Variants in ATP6AP2 observed in about 807,000 individuals in gnomAD.
ATP6AP2 encodes the protein ATPase H+ transporting accessory protein 2.
ATP6AP2 carries 1 observed loss-of-function variant against 23.4 expected under a neutral mutation model. The observed-to-expected ratio is 0.04, with a 90% CI of 0.02 to 0.20. The LOEUF is 0.20. ATP6AP2 is among the 10% of genes least tolerant of loss of function. ATP6AP2 has a pLI of 1.00. For synonymous variants in ATP6AP2, 90 were observed against 97.1 expected (o/e 0.93, Z 0.43); for missense variants, 174 against 271.3 (o/e 0.64, Z 2.52).
intron 7 of ATP6AP2, chrX:40,599,957 C>G (rs1926865179): frequency 2.4e-6 from 1 of 414,465 alleles, no homozygotes; most frequent in Admixed American, 4.2e-5. Flanking sequence ...GAAAAGTTAT[C>G]TCACACAAAG....
chrX:40,591,414 T>G, intron 3 of ATP6AP2, 49 bp downstream of exon 3: 1 of 1,147,660 alleles, frequency 8.7e-7, no homozygotes, highest in Non-Finnish European at 1.2e-6. Context: ...ACATTTTCCC[T>G]TGTCAGCTGT....
chrX:40,587,211 A>G (rs1435733299), intron 1 of ATP6AP2, among the ~76,000 whole-genome samples: 1 of 112,136 alleles, frequency 8.9e-6, no homozygotes, highest in African/African-American at 3.2e-5. Flanking sequence ...CAGAGGTTGC[A>G]GTGAGCCAAT....
chrX:40,591,746 T>C (rs1278159781), intron 3 of ATP6AP2: 3 of 211,927 alleles, frequency 1.4e-5, no homozygotes, highest in East Asian at 1.3e-4. Context: ...GTAAGGACAC[T>C]GGAGGCTGCT....
At chrX:40,602,933 T>A (rs1378908982) in intron 8 of ATP6AP2, among the ~76,000 whole-genome samples, 3 of 11,714 alleles carry the variant, frequency 2.6e-4, no homozygotes, top group Admixed American at 8.8e-4. Context: ...TTTTTTTTTT[T>A]TTTTTTTTGG....
chrX:40,590,012 A>G (rs1176773423), intron 2 of ATP6AP2: 1 of 111,292 alleles, frequency 9.0e-6, no homozygotes, highest in Non-Finnish European at 1.9e-5. Flanking sequence ...AGTGAACAGG[A>G]TTGGTTGTTT....
chrX:40,593,208 C>T (rs1926683721), intron 3 of ATP6AP2, among the ~76,000 whole-genome samples: 2 of 110,086 alleles, frequency 1.8e-5, no homozygotes, highest in Non-Finnish European at 3.8e-5. Flanking sequence ...GATTGCGCCA[C>T]TGCACTCCAG....
intron 1 of ATP6AP2, among the ~76,000 whole-genome samples, chrX:40,584,868 G>C: frequency 9.0e-6 from 1 of 111,181 alleles, no homozygotes; most frequent in South Asian, 3.8e-4. Flanking sequence ...CTCAGCCTCT[G>C]AAAGTGCTGG....
chrX:40,582,607 GT>G (rs1407549794), intron 1 of ATP6AP2, among the ~76,000 whole-genome samples: 1 of 111,816 alleles, frequency 8.9e-6, no homozygotes, highest in East Asian at 2.8e-4. Context: ...TGCCCCAAAC[GT>G]TTTCGAGTTC....
At chrX:40,583,552 G>T (rs970634327) in intron 1 of ATP6AP2, among the ~76,000 whole-genome samples, 7 of 111,865 alleles carry the variant, frequency 6.3e-5, no homozygotes, top group African/African-American at 2.3e-4. Context: ...GGGTGTTAAT[G>T]CTTTGGGTTT....
At position 40,597,062 on chromosome X, in the gene ATP6AP2, G is replaced by A. The variant is rs141012530; in HGVS notation, c.301-187G>A. On this transcript the variant is annotated intron_variant, in intron 3 of 8. Coordinates refer to ENST00000636580, the MANE Select transcript of ATP6AP2 (RefSeq NM_005765.3). ...GAGGCATGATGGGAGATACAGACTT[G>A]GCTTACCAGGGGGCTGTTTAATCTT... 740 of 428,959 alleles carry A rather than the reference G, an allele frequency of 1.7e-3. 4 individuals carry two copies. The highest frequency in any genetic ancestry group is 0.016 in the African/African-American group (658 of 40,270). 35.4% of individuals were successfully genotyped at this position (428,959 alleles called of 1,213,427 possible).
At chrX:40,592,786 G>A (rs1002895028) in intron 3 of ATP6AP2, among the ~76,000 whole-genome samples, 2 of 109,294 alleles carry the variant, frequency 1.8e-5, no homozygotes, top group African/African-American at 3.3e-5. Context: ...CTTTCCTGTG[G>A]TCGAGTATAG....
intron 1 of ATP6AP2, among the ~76,000 whole-genome samples, chrX:40,586,546 A>G (rs1174397587): frequency 9.0e-6 from 1 of 111,595 alleles, no homozygotes; most frequent in Admixed American, 9.5e-5. Context: ...TGAGTTGGGG[A>G]GTGATAGCAT....
chrX:40,587,041 G>A (rs913932124), intron 1 of ATP6AP2, among the ~76,000 whole-genome samples: 1 of 112,244 alleles, frequency 8.9e-6, no homozygotes, highest in Non-Finnish European at 1.9e-5. Context: ...AGGCTGAGGC[G>A]GGCCGATCAC....
chrX:40,588,319 A>C (rs1281656609), intron 1 of ATP6AP2, among the ~76,000 whole-genome samples: 4 of 91,792 alleles, frequency 4.4e-5, no homozygotes, highest in Non-Finnish European at 6.4e-5. Context: ...TTATGTTTCT[A>C]CTTGTGACAT....
chrX:40,586,431 A>G (rs1459152035), intron 1 of ATP6AP2, among the ~76,000 whole-genome samples: 1 of 111,298 alleles, frequency 9.0e-6, no homozygotes, highest in Non-Finnish European at 1.9e-5. Flanking sequence ...GGAGTTACAG[A>G]TAGGGGCTTA....
chrX:40,604,484 A>T (rs1927020043), intron 8 of ATP6AP2, among the ~76,000 whole-genome samples: 1 of 111,348 alleles, frequency 9.0e-6, no homozygotes, highest in African/African-American at 3.3e-5. Context: ...TGAGAACAGT[A>T]TGGGGGAAAC....
rs1224158131 is a variant in ATP6AP2, at chrX:40,606,467, A to C, written c.*712A>C. ...TCCCTGAGGGACATTTTGAGGCATG[A>C]ATATAAAACATTTTTATTTCAGTAA... On this transcript the variant is annotated 3_prime_UTR_variant, in exon 9 of 9. Transcript: ENST00000636580. The C allele has an allele frequency of 1.8e-5, 2 of 112,530 alleles. No homozygotes were observed. The highest frequency in any genetic ancestry group is 1.9e-4 in the Admixed American group (2 of 10,553). 9.3% of individuals were successfully genotyped at this position (112,530 alleles called of 1,213,427 possible).
In ATP6AP2 at chrX:40,591,453, C is replaced by A. The variant is rs866758575; in HGVS notation, c.300+88C>A. On this transcript the variant is annotated intron_variant, in intron 3 of 8. Transcript: ENST00000636580. ...TATGAATTGCATTCTAAACATACTT[C>A]TCTTATCTGTTTTTGATGCACAGTT... is the stretch of plus-strand genomic sequence containing the variant. 38 of 1,018,455 alleles carry A rather than the reference C, an allele frequency of 3.7e-5. No individual in the cohort carries two copies. The South Asian group carries it at 6.8e-4, about 18-fold the overall frequency. The allele number at this position is 1,018,455 out of a possible 1,213,427, so 83.9% of individuals were successfully genotyped here.
rs766018794 is a variant in ATP6AP2, at chrX:40,599,598, C to T, written c.595C>T (p.Arg199Cys). Residue 199 changes from arginine (R) to cysteine (C), a missense_variant, in exon 7 of 9, where the codon CGT (arginine) becomes TGT (cysteine). By Grantham distance (180) the Arg-to-Cys change is radical. Transcript: ENST00000636580. ...VLHDISSLLS[R>C]HKHLAKDHSP... ...GTTTGTTTGTTCTCCTAAGCTGTCT[C>T]GTCATAAGCATCTAGCCAAGGATCA... 9.1e-6 allele frequency: 11 copies of T among 1,210,970 alleles called. No individual in the cohort carries two copies. The Middle Eastern group carries it at 1.2e-3, about 127-fold the overall frequency.
Sources: gnomAD v4.1 joint callset for allele counts (sites outside exome capture counted in the v4.1 genomes callset) on GRCh38, gnomAD v4.1.1 for gene constraint, MANE v1.5 for transcripts, NCBI Gene and HGNC (gene_info 2026-07-23, HGNC 2026-07-21) for gene names.